LUZP2: variants seen among roughly 807,000 people sequenced by gnomAD.
LUZP2 encodes leucine zipper protein 2.
LUZP2 carries 52 observed loss-of-function variants against 51.6 expected under a neutral mutation model. The ratio of observed to expected loss-of-function variants is 1.01; its 90% confidence interval spans 0.81 to 1.27. LUZP2 has a LOEUF of 1.27. LUZP2 is among the 50% of genes most tolerant of loss of function. LUZP2 has a pLI of 0.00. For missense variants in LUZP2, 436 were observed against 395.4 expected (o/e 1.10, Z -0.87); for synonymous variants, 154 against 137.3 (o/e 1.12, Z -0.85).
At chr11:24,497,492 C>T (rs184524666) in intron 1 of LUZP2, among the ~76,000 whole-genome samples, 187 bp downstream of exon 1, 7 of 152,310 alleles carry the variant, frequency 4.6e-5, no homozygotes, top group African/African-American at 1.7e-4. Flanking sequence ...CTAGTTATCC[C>T]AGCCCCCTGG....
chr11:24,938,575 A>AT (rs36004881), intron 7 of LUZP2, among the ~76,000 whole-genome samples: 33 of 150,452 alleles, frequency 2.2e-4, no homozygotes, highest in East Asian at 5.8e-4. Context: ...AGCTCTGTGG[A>AT]TTTTTTTTTT....
rs375530037 is a variant in LUZP2, at chr11:24,542,925, GA to G, written c.62+45632del. On this transcript the variant is annotated intron_variant, in intron 1 of 11. Coordinates refer to ENST00000336930, the MANE Select transcript of LUZP2 (RefSeq NM_001009909.4). ...AAAAAGAACAGCACACACACACACA[GA>G]AAAAAAAAAAACTAGAAAAATTTAG... is the stretch of plus-strand genomic sequence containing the variant. 9.1e-4 allele frequency among the ~76,000 whole-genome samples: 124 copies of G among 135,698 alleles called. 2 individuals are homozygous for G. Among genetic ancestry groups the G allele is most frequent in the African/African-American group, 2.4e-3 (89 of 37,084 alleles). The allele number at this position is 135,698 out of a possible 152,430, so 89.0% of individuals were successfully genotyped here.
At chr11:24,575,732 G>C (rs1400742849) in intron 1 of LUZP2, among the ~76,000 whole-genome samples, 1 of 152,106 alleles carries the variant, frequency 6.6e-6, no homozygotes, top group Non-Finnish European at 1.5e-5. Flanking sequence ...ATGAGAGGCT[G>C]CATTCCAGAT....
chr11:24,976,763 T>C (rs1328358461), intron 8 of LUZP2, 98 bp downstream of exon 8: 1 of 642,512 alleles, frequency 1.6e-6, no homozygotes, highest in Non-Finnish European at 2.4e-6. Flanking sequence ...TCTTGATTTA[T>C]TAATGTGTTT....
chr11:24,743,353 CTG>C (rs1414756607), intron 4 of LUZP2, among the ~76,000 whole-genome samples: 10 of 152,084 alleles, frequency 6.6e-5, no homozygotes, highest in Admixed American at 6.6e-4. Context: ...TTTGTGTCAT[CTG>C]TGATTTCTTT....
chr11:24,557,373 G>A (rs965104194), intron 1 of LUZP2, among the ~76,000 whole-genome samples: 1 of 148,762 alleles, frequency 6.7e-6, no homozygotes, highest in South Asian at 2.1e-4. Context: ...TGACATAGGA[G>A]CAGGATGATT....
chr11:24,758,975 G>A (rs1053048688), intron 4 of LUZP2, among the ~76,000 whole-genome samples: 2 of 151,942 alleles, frequency 1.3e-5, no homozygotes, highest in African/African-American at 4.8e-5. Flanking sequence ...TATCTTTCTT[G>A]ATCTAATTCT....
intron 7 of LUZP2, among the ~76,000 whole-genome samples, chr11:24,916,899 G>C (rs1173948543): frequency 6.6e-6 from 1 of 152,162 alleles, no homozygotes; most frequent in Admixed American, 6.5e-5. Context: ...GATCCCTGAG[G>C]AATGGCCACA....
At chr11:24,606,399 T>G (rs1853919714) in intron 1 of LUZP2, among the ~76,000 whole-genome samples, 1 of 152,028 alleles carries the variant, frequency 6.6e-6, no homozygotes, top group African/African-American at 2.4e-5. Context: ...TATGAAGTTT[T>G]GTAAAAATGA....
chr11:24,751,576 T>A, intron 4 of LUZP2: 1 of 982,808 alleles, frequency 1.0e-6, no homozygotes, highest in South Asian at 4.7e-5. Flanking sequence ...ACCCACCCCA[T>A]CTCCCTTAGA....
chr11:24,753,671 T>A (rs11028142), intron 4 of LUZP2, among the ~76,000 whole-genome samples: 31,049 of 152,046 alleles, frequency 0.2, 3,385 homozygotes, highest in East Asian at 0.42. Flanking sequence ...ACTTTTATAA[T>A]CCTATCCATT....
chr11:24,778,277 A>G (rs1426925783), intron 5 of LUZP2, among the ~76,000 whole-genome samples: 3 of 152,068 alleles, frequency 2.0e-5, no homozygotes, highest in Non-Finnish European at 4.4e-5. Flanking sequence ...TCAGCCGGGC[A>G]TCGTGATGCA....
intron 4 of LUZP2, among the ~76,000 whole-genome samples, chr11:24,745,372 A>C (rs1385135415): frequency 6.6e-6 from 1 of 152,098 alleles, no homozygotes; most frequent in East Asian, 1.9e-4. Context: ...TAATTATTTT[A>C]TAAATTTAGG....
intron 5 of LUZP2, among the ~76,000 whole-genome samples, chr11:24,792,094 C>A (rs1179533823): frequency 6.6e-6 from 1 of 151,782 alleles, no homozygotes; most frequent in East Asian, 1.9e-4. Context: ...ATGCATTTAG[C>A]TCTTGTGACC....
At chr11:24,667,184 CTTTTT>C (rs199740839) in intron 1 of LUZP2, among the ~76,000 whole-genome samples, 3 of 132,044 alleles carry the variant, frequency 2.3e-5, no homozygotes, top group Admixed American at 1.6e-4. Context: ...TTCTTTTTTT[CTTTTT>C]TTTTTTTTTT....
chr11:24,617,665 C>CA (rs1203415992), intron 1 of LUZP2, among the ~76,000 whole-genome samples: 2 of 151,918 alleles, frequency 1.3e-5, no homozygotes, highest in East Asian at 1.9e-4. Flanking sequence ...TATTAAAATA[C>CA]AAAAAATTAG....
At chr11:24,582,739 G>A (rs773138143) in intron 1 of LUZP2, among the ~76,000 whole-genome samples, 96 of 151,876 alleles carry the variant, frequency 6.3e-4, no homozygotes, top group Non-Finnish European at 2.4e-4. Flanking sequence ...TGGTTCCAGC[G>A]GTTTTGTTTT....
Position 24,574,271 on chromosome 11 carries a change from T to TA in LUZP2, c.62+76966_62+76967insA, listed in dbSNP as rs1565000685. 7.8e-3 allele frequency among the ~76,000 whole-genome samples: 289 copies of TA among 37,214 alleles called. 7 individuals are homozygous for TA. Among genetic ancestry groups the TA allele is most frequent in the African/African-American group, 0.013 (155 of 11,652 alleles). 24.4% of individuals were successfully genotyped at this position (37,214 alleles called of 152,430 possible). ...TTCTTTCTTTCTTTCTTGCTTTCTT[T>TA]CTTTCTTTCTTTCTTTCCTTTCTTT... On this transcript the variant is annotated intron_variant, in intron 1 of 11. Coordinates refer to ENST00000336930, the MANE Select transcript of LUZP2 (RefSeq NM_001009909.4).
chr11:24,702,958 C>A lies in LUZP2; in HGVS notation c.63-26211C>A, dbSNP rs117167242. On this transcript the variant is annotated intron_variant, in intron 1 of 11. Coordinates refer to ENST00000336930, the MANE Select transcript of LUZP2 (RefSeq NM_001009909.4). ...ATGTTAAAAGCATGCACATATATATCCTTTCTTCACAAGTAATTATAATGG... is the reference window on the plus strand; with the variant it reads ...ATGTTAAAAGCATGCACATATATATACTTTCTTCACAAGTAATTATAATGG... Among the ~76,000 whole-genome samples, 206 of 152,216 alleles carry A rather than the reference C, an allele frequency of 1.4e-3. 1 individual carries two copies. In the East Asian group the frequency reaches 0.039, roughly 29 times the overall value.
Sources: allele counts gnomAD v4.1 joint callset (sites outside exome capture counted in the v4.1 genomes callset), GRCh38; gene constraint gnomAD v4.1.1; transcripts MANE v1.5; gene names NCBI Gene and HGNC (gene_info 2026-07-23, HGNC 2026-07-21).